ZNG1A: variants seen among roughly 807,000 people sequenced by gnomAD.
ZNG1A encodes Zn regulated GTPase metalloprotein activator 1A, also known as zinc-regulated GTPase metalloprotein activator 1A.
the ZNG1A span, chr9:166,523 G>A: frequency 6.6e-6 from 1 of 152,626 alleles, no homozygotes; most frequent in African/African-American, 2.4e-5. Flanking sequence ...ATGAAGAAAT[G>A]AATAGGGCAC....
the ZNG1A span, among the ~76,000 whole-genome samples, chr9:164,860 G>C: frequency 1.3e-5 from 2 of 152,042 alleles, no homozygotes; most frequent in Admixed American, 6.6e-5. Context: ...ACTCTGCCAA[G>C]ATGTGGTCCC....
At chr9:129,541 C>T in the ZNG1A span, among the ~76,000 whole-genome samples, 6 of 149,884 alleles carry the variant, frequency 4.0e-5, no homozygotes, top group South Asian at 1.0e-3. Flanking sequence ...GAGGACATTA[C>T]ACTAAGTGAA....
chr9:157,267 G>C, the ZNG1A span, among the ~76,000 whole-genome samples: 1 of 146,878 alleles, frequency 6.8e-6, no homozygotes, highest in African/African-American at 2.5e-5. Context: ...CATCTCTCTG[G>C]AGGCAAGCTT....
At chr9:143,761 G>A in the ZNG1A span, among the ~76,000 whole-genome samples, 5 of 116,454 alleles carry the variant, frequency 4.3e-5, no homozygotes, top group Non-Finnish European at 8.4e-5. Context: ...AATTGTCCCT[G>A]TTTGCAGATG....
the ZNG1A span, among the ~76,000 whole-genome samples, chr9:175,162 A>C: frequency 0.03 from 4,620 of 152,200 alleles, 208 homozygotes; most frequent in African/African-American, 0.11. Flanking sequence ...GGTGGATCAC[A>C]AGGCCAGGAG....
the ZNG1A span, among the ~76,000 whole-genome samples, chr9:129,389 G>A: frequency 1.3e-5 from 2 of 151,266 alleles, no homozygotes; most frequent in African/African-American, 4.9e-5. Context: ...TACTTATTTT[G>A]TCACAGCAGT....
chr9:157,336 A>C, the ZNG1A span, among the ~76,000 whole-genome samples: 1 of 143,390 alleles, frequency 7.0e-6, no homozygotes, highest in Non-Finnish European at 1.5e-5. Context: ...TAACGTCATC[A>C]ACATCACAAG....
At chr9:164,114 G>T in the ZNG1A span, 5 of 1,478,250 alleles carry the variant, frequency 3.4e-6, no homozygotes, top group Non-Finnish European at 9.1e-7. Context: ...GTTTTAATTT[G>T]CCCTGATAAA....
chr9:154,748 A>G, the ZNG1A span: 1 of 1,598,266 alleles, frequency 6.3e-7, no homozygotes, highest in Non-Finnish European at 8.5e-7. Context: ...TTCTTCTGGA[A>G]CCAGGTCTGT....
chr9:155,673 A>G, the ZNG1A span, among the ~76,000 whole-genome samples: 1 of 152,126 alleles, frequency 6.6e-6, no homozygotes, highest in East Asian at 1.9e-4. Context: ...AAATTCTCAA[A>G]ACTAAATTCA....
chr9:148,796 G>C, the ZNG1A span: 1 of 148,772 alleles, frequency 6.7e-6, no homozygotes, highest in Non-Finnish European at 1.5e-5. Context: ...CTAAGACCAA[G>C]GACAGGAGAG....
At chr9:156,333 G>T in the ZNG1A span, 18 of 1,137,566 alleles carry the variant, frequency 1.6e-5, no homozygotes, top group Non-Finnish European at 2.1e-5. Flanking sequence ...ATTATAAATA[G>T]ATAGCAATAA....
the ZNG1A span, among the ~76,000 whole-genome samples, chr9:169,310 TG>T: frequency 6.8e-6 from 1 of 147,148 alleles, no homozygotes; most frequent in African/African-American, 2.6e-5. Context: ...AAGGGGAGTC[TG>T]AAGATGTGAC....
the ZNG1A span, among the ~76,000 whole-genome samples, chr9:178,553 G>A: frequency 1.8e-5 from 2 of 111,078 alleles, 1 homozygote; most frequent in Non-Finnish European, 4.5e-5. Flanking sequence ...TTAGGGGGGC[G>A]TGTCTTAGCG....
At chr9:143,106 A>G in the ZNG1A span, among the ~76,000 whole-genome samples, 2 of 143,940 alleles carry the variant, frequency 1.4e-5, no homozygotes, top group Non-Finnish European at 3.0e-5. Flanking sequence ...GCTGAATTCT[A>G]CCAGAGGTAC....
At chr9:172,280 G>C in the ZNG1A span, 1 of 1,425,730 alleles carries the variant, frequency 7.0e-7, no homozygotes, top group Non-Finnish European at 9.6e-7. Flanking sequence ...AGTACCCTTG[G>C]GAATGTGAAA....
chr9:169,606 T>C, the ZNG1A span, among the ~76,000 whole-genome samples: 2,285 of 145,442 alleles, frequency 0.016, 34 homozygotes, highest in African/African-American at 0.056. Context: ...AGTCAACTAA[T>C]GCAGCAAACT....
At chr9:175,173 C>T in the ZNG1A span, among the ~76,000 whole-genome samples, 1 of 152,090 alleles carries the variant, frequency 6.6e-6, no homozygotes, top group South Asian at 2.1e-4. Context: ...AGGCCAGGAG[C>T]TCAAGACCAT....
the ZNG1A span, among the ~76,000 whole-genome samples, chr9:164,860 G>A: frequency 1.3e-5 from 2 of 152,042 alleles, no homozygotes; most frequent in Non-Finnish European, 2.9e-5. Context: ...ACTCTGCCAA[G>A]ATGTGGTCCC....
Sources: gnomAD v4.1 joint callset for allele counts (sites outside exome capture counted in the v4.1 genomes callset) on GRCh38, gnomAD v4.1.1 for gene constraint, MANE v1.5 for transcripts, NCBI Gene and HGNC (gene_info 2026-07-23, HGNC 2026-07-21) for gene names.